GATM: variants seen among roughly 807,000 people sequenced by gnomAD.
GATM encodes glycine amidinotransferase.
GATM carries 23 observed loss-of-function variants against 54.2 expected under a neutral mutation model. The observed-to-expected ratio is 0.42, with a 90% CI of 0.31 to 0.60. GATM has a LOEUF of 0.60. GATM is among the 20% of genes least tolerant of loss of function. The pLI is 0.14. For synonymous variants in GATM, 168 were observed against 183.1 expected (o/e 0.92, Z 0.67); for missense variants, 401 against 544.9 (o/e 0.74, Z 2.63).
In GATM at chr15:45,365,285, C is replaced by G. The variant is rs531746799; in HGVS notation, c.979-425G>C. 3.3e-5 allele frequency among the ~76,000 whole-genome samples: 5 copies of G among 152,312 alleles called. No individual in the cohort carries two copies. The East Asian group carries it at 7.7e-4, about 23-fold the overall frequency. ...TGTATCTAGGACCATGGTATAAAGA[C>G]AGTTGTTAGCTATGCATTCTCAAAG... On this transcript the variant is annotated intron_variant, in intron 6 of 8. Coordinates refer to ENST00000396659, the MANE Select transcript of GATM (RefSeq NM_001482.3).
chr15:45,386,711 C>T (rs913751090), intron 3 of GATM, among the ~76,000 whole-genome samples: 2 of 152,208 alleles, frequency 1.3e-5, no homozygotes, highest in Non-Finnish European at 2.9e-5. Context: ...CAGCAAAAGG[C>T]ACTTCTCTAG....
chr15:45,381,875 G>T (rs751169844), upstream of GATM, among the ~76,000 whole-genome samples: 1 of 152,160 alleles, frequency 6.6e-6, no homozygotes. Flanking sequence ...TATTATTTGG[G>T]CTGCATCAAT....
At chr15:45,365,673 C>T (rs1376830903) in intron 6 of GATM, among the ~76,000 whole-genome samples, 1 of 152,202 alleles carries the variant, frequency 6.6e-6, no homozygotes, top group Non-Finnish European at 1.5e-5. Context: ...ACAACCACTG[C>T]CCAGTGGCAT....
Position 45,378,467 on chromosome 15 carries a change from C to A in GATM, c.-14G>T, listed in dbSNP as rs746950922. ...CACCCGCAGCATCGCCCTGGCCCGG[C>A]TGGTCCACGCGCGGAATGTTCCTGG... On this transcript the variant is annotated 5_prime_UTR_variant, in exon 1 of 9. Transcript: ENST00000396659. 5 of 1,433,610 alleles carry A rather than the reference C, an allele frequency of 3.5e-6. No individual in the cohort carries two copies. In the East Asian group the frequency reaches 1.5e-4, roughly 42 times the overall value. 88.8% of individuals were successfully genotyped at this position (1,433,610 alleles called of 1,614,324 possible). A position where few individuals can be genotyped will look rare whatever the true frequency, so the allele number is the denominator to read the frequency against.
At position 45,368,254 on chromosome 15, in the gene GATM, T is replaced by C. The variant is rs1889481627; in HGVS notation, c.491A>G (p.Tyr164Cys). ...KTPDFESTGL[Y>C]SAMPRDILIV... Reference sequence around the variant, plus strand: ...CAGGATGTCTCGAGGCATTGCACTGTATAAACCTGTCAGACCAAAAAATTC... The same window carrying C: ...CAGGATGTCTCGAGGCATTGCACTGCATAAACCTGTCAGACCAAAAAATTC... Residue 164 changes from tyrosine to cysteine, a missense_variant, in exon 4 of 9, where the codon TAC becomes TGC. Tyr to Cys is a radical substitution (Grantham distance 194). This residue lies in a region of GATM where 321 missense variants were observed against 457.5 expected (regional missense o/e 0.70). Transcript: ENST00000396659. The surrounding 1 kb of genome is among the most constrained non-coding windows in gnomAD (Gnocchi z 5.1). The C allele has an allele frequency of 4.3e-6, 7 of 1,613,692 alleles. No individual in the cohort carries two copies. Among genetic ancestry groups the C allele is most frequent in the Non-Finnish European group, 5.9e-6 (7 of 1,179,966 alleles).
chr15:45,366,537 A>G, intron 4 of GATM, 29 bp from the exon 5 acceptor site: 1 of 1,612,722 alleles, frequency 6.2e-7, no homozygotes, highest in Non-Finnish European at 8.5e-7. Flanking sequence ...AACACACACA[A>G]TGCACTGGAT....
intron 1 of GATM, 90 bp downstream of exon 1, chr15:45,378,295 G>T: frequency 1.0e-6 from 1 of 998,408 alleles, no homozygotes; most frequent in Non-Finnish European, 1.5e-6. Context: ...GAAGGTGGCG[G>T]CTCCGGGCAG....
intron 4 of GATM, among the ~76,000 whole-genome samples, chr15:45,367,282 A>C (rs1428460703): frequency 6.6e-6 from 1 of 151,970 alleles, no homozygotes. Flanking sequence ...CAGAGGCTGC[A>C]GTGAGCCGAG....
intron 4 of GATM, among the ~76,000 whole-genome samples, chr15:45,367,157 A>G (rs1350610138): frequency 6.6e-6 from 1 of 152,150 alleles, no homozygotes; most frequent in Non-Finnish European, 1.5e-5. Flanking sequence ...CCTGGCCAAC[A>G]TGGTGAAACC....
At position 45,368,025 on chromosome 15, in the gene GATM, A is replaced by G. The variant is rs764785393; in HGVS notation, c.675+45T>C. Reference sequence around the variant, plus strand: ...ATCTCTATCTTACTCTTTGTGGATCATTTAGAAAAGTTAGTAATAAGCTAG... The same window carrying G: ...ATCTCTATCTTACTCTTTGTGGATCGTTTAGAAAAGTTAGTAATAAGCTAG... On this transcript the variant is annotated intron_variant, in intron 4 of 8. Transcript: ENST00000396659. This position sits in a 1 kb window ranked among gnomAD's most constrained non-coding sequence, Gnocchi z 5.1. 1 of 1,546,140 alleles carries G rather than the reference A, an allele frequency of 6.5e-7. No individual in the cohort carries two copies. Among genetic ancestry groups the G allele is most frequent in the Non-Finnish European group, 8.9e-7 (1 of 1,119,776 alleles).
At chr15:45,363,214 G>A (rs1261249169) in intron 8 of GATM, among the ~76,000 whole-genome samples, 1 of 152,144 alleles carries the variant, frequency 6.6e-6, no homozygotes, top group Non-Finnish European at 1.5e-5. Context: ...GTAGGTTGCA[G>A]TGAGCCGAGG....
chr15:45,396,871 A>AAAAAAAG, intron 3 of GATM: 1 of 54,116 alleles, frequency 1.8e-5, no homozygotes, highest in Non-Finnish European at 2.7e-5. Flanking sequence ...CTCCGTCTCA[A>AAAAAAAG]AAAAAAAAAA....
chr15:45,378,082 G>T, intron 1 of GATM: 1 of 347,612 alleles, frequency 2.9e-6, no homozygotes, highest in Non-Finnish European at 5.2e-6. Flanking sequence ...CGGTAGAGGG[G>T]GGCGGCGCCC....
At chr15:45,370,382 A>G (rs1889521174) in intron 2 of GATM, among the ~76,000 whole-genome samples, 1 of 146,644 alleles carries the variant, frequency 6.8e-6, no homozygotes, top group Non-Finnish European at 1.5e-5. Context: ...TCTCAAAAAA[A>G]AAAAAAGAAA....
rs976882253 is a variant in GATM at position 45,387,579 on chromosome 15, A to G, written c.-319+9343T>C. On this transcript the variant is annotated intron_variant, in intron 3 of 4. Transcript: ENST00000561148. ...TACATGGCTGTAACAGCTTGTTTAC[A>G]TATCTCTTTCGCCAGACCTCTGGAG... Among the ~76,000 whole-genome samples, 8 of 152,290 alleles carry G rather than the reference A, an allele frequency of 5.3e-5. No individual in the cohort carries two copies. In the South Asian group the frequency reaches 6.2e-4, roughly 12 times the overall value.
chr15:45,387,022 A>G (rs1889810518), intron 3 of GATM, among the ~76,000 whole-genome samples: 2 of 152,230 alleles, frequency 1.3e-5, no homozygotes, highest in Admixed American at 1.3e-4. Context: ...ACTGAATACG[A>G]AGACCATATA....
At chr15:45,381,230 G>A (rs1354337933), upstream of GATM, among the ~76,000 whole-genome samples, 3 of 152,068 alleles carry the variant, frequency 2.0e-5, no homozygotes, top group African/African-American at 7.3e-5. Context: ...TAGGATCTTG[G>A]TGGTCTCATA....
At chr15:45,380,992 A>C (rs906986629), upstream of GATM, among the ~76,000 whole-genome samples, 4 of 152,184 alleles carry the variant, frequency 2.6e-5, no homozygotes, top group Admixed American at 2.0e-4. Context: ...AAAATTTGGT[A>C]ACAATTTCTA....
chr15:45,397,839 T>G (rs1410216877), intron 2 of GATM, among the ~76,000 whole-genome samples: 1 of 152,174 alleles, frequency 6.6e-6, no homozygotes, highest in Non-Finnish European at 1.5e-5. Context: ...TGATGCTATC[T>G]CCAGGTAGAT....
Sources: allele counts gnomAD v4.1 joint callset (sites outside exome capture counted in the v4.1 genomes callset), GRCh38; gene constraint gnomAD v4.1.1; regional missense constraint gnomAD v4.1.1; non-coding constraint Gnocchi (gnomAD v3.1); transcripts MANE v1.5; gene names NCBI Gene and HGNC (gene_info 2026-07-23, HGNC 2026-07-21).